The following TBC1D32 variants were observed in gnomAD, a reference collection of about 807,000 sequenced individuals.
TBC1D32 encodes protein broad-minded.
In TBC1D32, 151 loss-of-function variants were observed where a neutral mutation model predicts 170.3. The observed-to-expected ratio is 0.89, with a 90% CI of 0.78 to 1.01. The LOEUF is 1.01. Among genes scored for constraint, TBC1D32 ranks in the 50% least tolerant of loss-of-function variants. TBC1D32 has a pLI of 0.00. For missense variants in TBC1D32, 1,464 were observed against 1,457.1 expected (o/e 1.00, Z -0.08); for synonymous variants, 498 against 488.0 (o/e 1.02, Z -0.27).
At chr6:121,169,405 T>C (rs562238210) in intron 22 of TBC1D32, among the ~76,000 whole-genome samples, 6 of 152,282 alleles carry the variant, frequency 3.9e-5, no homozygotes, top group Non-Finnish European at 7.4e-5. Context: ...TTATACCATA[T>C]ACAAAAGTCA....
In TBC1D32 at chr6:121,112,671, A is replaced by C; in HGVS notation, c.3170-12T>G. The C allele has an allele frequency of 6.5e-7, 1 of 1,546,196 alleles. No individual in the cohort carries two copies. Among genetic ancestry groups the C allele is most frequent in the Non-Finnish European group, 8.7e-7 (1 of 1,152,144 alleles). The stretch of plus-strand genomic sequence containing the variant: ...CCCTTGCAGGCAGACTGAAAAACAC[A>C]GTTAAGAAAACTTTACAATATTTTG... On this transcript the variant is annotated splice_polypyrimidine_tract_variant and intron_variant, in intron 28 of 31. Coordinates refer to ENST00000398212, the MANE Select transcript of TBC1D32 (RefSeq NM_152730.6).
chr6:121,220,491 G>A (rs1220743028), intron 21 of TBC1D32, among the ~76,000 whole-genome samples: 1 of 152,108 alleles, frequency 6.6e-6, no homozygotes, highest in Non-Finnish European at 1.5e-5. Context: ...AAATTAACAG[G>A]TTGGTTCATG....
intron 22 of TBC1D32, among the ~76,000 whole-genome samples, chr6:121,203,912 A>C (rs1048976648): frequency 6.6e-6 from 1 of 151,304 alleles, no homozygotes; most frequent in Admixed American, 6.6e-5. Context: ...TTTTTATATA[A>C]CTTAATAAAG....
In TBC1D32 at chr6:121,293,139, A is replaced by C. The variant is rs1419578829; in HGVS notation, c.1232-946T>G. Among the ~76,000 whole-genome samples the C allele has an allele frequency of 4.6e-5, 7 of 152,184 alleles. No individual in the cohort carries two copies. The East Asian group carries it at 1.4e-3, about 29-fold the overall frequency. Reference sequence around the variant, plus strand: ...GAATTTTTTTAAAAACATGGCAAAAAAAAAAAATGTAATGAAGCACCCTGA... The same window carrying C: ...GAATTTTTTTAAAAACATGGCAAAACAAAAAAATGTAATGAAGCACCCTGA... On this transcript the variant is annotated intron_variant, in intron 11 of 31. Transcript: ENST00000398212.
intron 5 of TBC1D32, among the ~76,000 whole-genome samples, chr6:121,307,454 T>G (rs1049023178): frequency 1.3e-5 from 2 of 152,178 alleles, no homozygotes; most frequent in African/African-American, 2.4e-5. Context: ...AGTGTATTAT[T>G]TGGCAATGAA....
At chr6:121,240,048 G>C (rs1485370231) in intron 19 of TBC1D32, among the ~76,000 whole-genome samples, 1 of 152,080 alleles carries the variant, frequency 6.6e-6, no homozygotes, top group Non-Finnish European at 1.5e-5. Context: ...TTGAAATAAT[G>C]ATGCCATAAT....
chr6:121,115,263 G>A, intron 26 of TBC1D32, 22 bp from the exon 27 acceptor site: 1 of 1,537,860 alleles, frequency 6.5e-7, no homozygotes, highest in Admixed American at 1.9e-5. Flanking sequence ...AGAAAACTGA[G>A]TTATAAAGTG....
At chr6:121,087,267 A>G (rs1412033182) in intron 31 of TBC1D32, among the ~76,000 whole-genome samples, 1 of 152,218 alleles carries the variant, frequency 6.6e-6, no homozygotes, top group Non-Finnish European at 1.5e-5. Flanking sequence ...TCTTTCCCCC[A>G]TAAACCAGTT....
chr6:121,110,250 C>CAA (rs1255958377), intron 29 of TBC1D32, among the ~76,000 whole-genome samples: 1 of 113,926 alleles, frequency 8.8e-6, no homozygotes, highest in Non-Finnish European at 1.8e-5. Flanking sequence ...GACTCTGTCT[C>CAA]AAAAAAAAAA....
intron 24 of TBC1D32, among the ~76,000 whole-genome samples, chr6:121,139,037 A>T (rs1025635389): frequency 2.0e-5 from 3 of 151,936 alleles, no homozygotes; most frequent in African/African-American, 4.8e-5. Context: ...TAGTAGAGAC[A>T]GGGTTTCACT....
At chr6:121,255,469 T>TCAGTGGACAACTAAGTC in intron 16 of TBC1D32, 59 bp from the exon 17 acceptor site, 1 of 392,980 alleles carries the variant, frequency 2.5e-6, no homozygotes. Context: ...TATATTTATA[T>TCAGTGGACAACTAAGTC]TTTATAATTA....
At position 121,303,601 on chromosome 6, in the gene TBC1D32, T is replaced by G. The variant is rs766416214; in HGVS notation, c.1080+16A>C. ...CAATGCACTAAAAGGTATAAAAATA[T>G]TCTATTTTTCCTTACCATCCACTTT... On this transcript the variant is annotated intron_variant, in intron 9 of 31. Coordinates refer to ENST00000398212, the MANE Select transcript of TBC1D32 (RefSeq NM_152730.6). 1 of 1,521,130 alleles carries G rather than the reference T, an allele frequency of 6.6e-7. No homozygotes were observed. The highest frequency in any genetic ancestry group is 1.3e-5 in the South Asian group (1 of 75,558). 94.2% of individuals were successfully genotyped at this position (1,521,130 alleles called of 1,614,324 possible).
chr6:121,130,813 A>G (rs189574394), intron 25 of TBC1D32, among the ~76,000 whole-genome samples: 1 of 152,258 alleles, frequency 6.6e-6, no homozygotes, highest in African/African-American at 2.4e-5. Flanking sequence ...TTATTCAATC[A>G]ATGGTAAATA....
chr6:121,188,620 T>C (rs1789529245), intron 22 of TBC1D32, among the ~76,000 whole-genome samples: 1 of 151,736 alleles, frequency 6.6e-6, no homozygotes, highest in African/African-American at 2.4e-5. Context: ...AGATGAATCC[T>C]CCCCCCAACA....
At position 121,257,763 on chromosome 6, in the gene TBC1D32, C is replaced by T. The variant is rs140043515; in HGVS notation, c.1734-1478G>A. Among the ~76,000 whole-genome samples, 85 of 151,860 alleles carry T rather than the reference C, an allele frequency of 5.6e-4. No homozygotes were observed. The East Asian group carries it at 0.014, about 24-fold the overall frequency. ...TTTATGTATGTCAATCCATTGCAGTCATTATTTTTCTGATTCTCAAATTGT... is the reference window on the plus strand; with the variant it reads ...TTTATGTATGTCAATCCATTGCAGTTATTATTTTTCTGATTCTCAAATTGT... On this transcript the variant is annotated intron_variant, in intron 15 of 31. Coordinates refer to ENST00000398212, the MANE Select transcript of TBC1D32 (RefSeq NM_152730.6).
intron 3 of TBC1D32, among the ~76,000 whole-genome samples, chr6:121,312,624 C>A (rs555394668): frequency 6.6e-6 from 1 of 152,150 alleles, no homozygotes; most frequent in Non-Finnish European, 1.5e-5. Flanking sequence ...AAGGAACCAG[C>A]TTGGTAATTC....
intron 21 of TBC1D32, among the ~76,000 whole-genome samples, chr6:121,210,066 C>A (rs1456545856): frequency 6.6e-6 from 1 of 152,124 alleles, no homozygotes; most frequent in Admixed American, 6.5e-5. Flanking sequence ...GTATCATTCA[C>A]CTTTAATTTA....
chr6:121,200,299 A>T (rs939098153), intron 22 of TBC1D32, among the ~76,000 whole-genome samples: 7 of 149,808 alleles, frequency 4.7e-5, no homozygotes, highest in Admixed American at 4.0e-4. Context: ...ATTCAAAGTT[A>T]AAAAAAAAGC....
chr6:121,288,204 G>C (rs553761606), intron 12 of TBC1D32, among the ~76,000 whole-genome samples: 94 of 152,114 alleles, frequency 6.2e-4, no homozygotes, highest in Non-Finnish European at 1.1e-3. Flanking sequence ...AAAAATCAAT[G>C]AATCCAGGAG....
Sources: gnomAD v4.1 joint callset for allele counts (sites outside exome capture counted in the v4.1 genomes callset) on GRCh38, gnomAD v4.1.1 for gene constraint, MANE v1.5 for transcripts, NCBI Gene and HGNC (gene_info 2026-07-23, HGNC 2026-07-21) for gene names.